The following CNTN4 variants were observed in gnomAD, a reference collection of about 807,000 sequenced individuals.
CNTN4 encodes contactin-4.
Under a neutral mutation model 122.5 loss-of-function variants are expected in CNTN4, and 77 were observed. The observed-to-expected ratio is 0.63, with a 90% CI of 0.52 to 0.76. The LOEUF (loss-of-function observed/expected upper bound fraction) is 0.76, where lower values mean the gene tolerates loss of function less well. Among genes scored for constraint, CNTN4 ranks in the 30% least tolerant of loss-of-function variants. CNTN4 has a pLI of 0.00. For missense variants in CNTN4, 1,256 were observed against 1,259.1 expected, an observed-to-expected ratio of 1.00 and a Z score of 0.04; for synonymous variants, 512 against 447.0, an observed-to-expected ratio of 1.15 and a Z score of -1.83.
chr3:2,412,354 T>C (rs2047255525), intron 3 of CNTN4, among the ~76,000 whole-genome samples: 1 of 151,704 alleles, frequency 6.6e-6, no homozygotes, highest in East Asian at 1.9e-4. Context: ...CGGGTTCAAG[T>C]GATTCTCCTG....
At chr3:2,300,814 C>T (rs2042485749) in intron 2 of CNTN4, among the ~76,000 whole-genome samples, 1 of 151,860 alleles carries the variant, frequency 6.6e-6, no homozygotes, top group Admixed American at 6.6e-5. Context: ...TGTGATCCAC[C>T]CACCTCGGCC....
At chr3:2,950,482 G>A (rs1391906725) in intron 13 of CNTN4, among the ~76,000 whole-genome samples, 1 of 152,078 alleles carries the variant, frequency 6.6e-6, no homozygotes, top group African/African-American at 2.4e-5. Flanking sequence ...TGTCTGTGAT[G>A]AGTAGCAGGT....
intron 4 of CNTN4, among the ~76,000 whole-genome samples, chr3:2,590,985 T>TTC (rs1187243508): frequency 6.6e-6 from 1 of 152,196 alleles, no homozygotes; most frequent in Non-Finnish European, 1.5e-5. Flanking sequence ...TCATCAATAT[T>TTC]CGAAATAATG....
Position 3,053,139 on chromosome 3 carries a change from A to G in CNTN4, c.2812-668A>G, listed in dbSNP as rs186285952. ...AACGTCTGCCTCCCGGGTGCAAGCA[A>G]TTCTCCTGCCTCAGCCTCTGGAGTA... On this transcript the variant is annotated intron_variant, in intron 23 of 24. Coordinates refer to ENST00000418658, the MANE Select transcript of CNTN4 (RefSeq NM_175607.3). Among the ~76,000 whole-genome samples, 3 of 152,294 alleles carry G rather than the reference A, an allele frequency of 2.0e-5. No individual in the cohort carries two copies. In the East Asian group the frequency reaches 5.8e-4, roughly 29 times the overall value.
intron 13 of CNTN4, among the ~76,000 whole-genome samples, chr3:2,968,525 A>G (rs564329040): frequency 7.2e-5 from 11 of 152,316 alleles, no homozygotes; most frequent in African/African-American, 2.4e-4. Flanking sequence ...AAAAACAGAA[A>G]TAGCACTAAA....
chr3:2,520,098 C>T (rs181482586), intron 3 of CNTN4, among the ~76,000 whole-genome samples: 111 of 152,016 alleles, frequency 7.3e-4, no homozygotes, highest in African/African-American at 2.7e-3. Context: ...ACACAGAATT[C>T]AATAAATATA....
intron 7 of CNTN4, among the ~76,000 whole-genome samples, chr3:2,822,789 A>G (rs1184458872): frequency 1.3e-5 from 2 of 152,180 alleles, no homozygotes; most frequent in Middle Eastern, 3.2e-3. Context: ...TTCCATAGAC[A>G]TCTACTGAAA....
intron 6 of CNTN4, among the ~76,000 whole-genome samples, chr3:2,775,129 G>A (rs2091264452): frequency 2.0e-5 from 3 of 152,224 alleles, no homozygotes. Flanking sequence ...AATCTTGTAT[G>A]ATCTGATCCA....
chr3:2,501,451 C>T (rs2076592138), intron 3 of CNTN4, among the ~76,000 whole-genome samples: 2 of 152,158 alleles, frequency 1.3e-5, no homozygotes, highest in Non-Finnish European at 2.9e-5. Flanking sequence ...GGCCAGAAGT[C>T]TAAAGTGAGC....
At chr3:2,159,074 G>C (rs2035844209) in intron 2 of CNTN4, among the ~76,000 whole-genome samples, 1 of 152,090 alleles carries the variant, frequency 6.6e-6, no homozygotes, top group Admixed American at 6.5e-5. Flanking sequence ...GAACAAGTCA[G>C]ACCTCTTGTA....
intron 3 of CNTN4, among the ~76,000 whole-genome samples, chr3:2,553,124 C>T (rs2078582316): frequency 6.6e-6 from 1 of 152,116 alleles, no homozygotes; most frequent in African/African-American, 2.4e-5. Flanking sequence ...TTAAACACCA[C>T]ACAAAGTAAT....
At chr3:2,244,121 A>C (rs1325748839) in intron 2 of CNTN4, among the ~76,000 whole-genome samples, 1 of 152,114 alleles carries the variant, frequency 6.6e-6, no homozygotes, top group South Asian at 2.1e-4. Flanking sequence ...CTGTGCATAC[A>C]TACCTATGAT....
intron 2 of CNTN4, among the ~76,000 whole-genome samples, chr3:2,257,845 C>T (rs903861774): frequency 2.6e-5 from 4 of 152,064 alleles, no homozygotes; most frequent in South Asian, 2.1e-4. Context: ...GGGCCGATCA[C>T]GAGGTCAGGA....
intron 4 of CNTN4, among the ~76,000 whole-genome samples, chr3:2,586,326 C>G (rs1576109301): frequency 6.6e-6 from 1 of 152,160 alleles, no homozygotes; most frequent in South Asian, 2.1e-4. Flanking sequence ...GAGTCTTGCT[C>G]TTATTGCCCA....
chr3:2,594,416 CTTTTTTTT>C (rs36010353), intron 4 of CNTN4, among the ~76,000 whole-genome samples: 1 of 103,582 alleles, frequency 9.7e-6, no homozygotes, highest in African/African-American at 3.5e-5. Flanking sequence ...TAAAATGGAT[CTTTTTTTT>C]TTTTTTTTTT....
chr3:3,009,040 T>A (rs1377795244), intron 14 of CNTN4: 1 of 985,250 alleles, frequency 1.0e-6, no homozygotes, highest in Admixed American at 6.2e-5. Context: ...CCTGGTGTTA[T>A]TAGCACAGTG....
At chr3:2,410,816 A>G (rs891944160) in intron 3 of CNTN4, among the ~76,000 whole-genome samples, 10 of 152,242 alleles carry the variant, frequency 6.6e-5, no homozygotes, top group African/African-American at 2.4e-4. Context: ...CTAGTTTCAT[A>G]TTAAAAGAGC....
chr3:2,997,158 A>AT (rs1420264799), intron 14 of CNTN4, among the ~76,000 whole-genome samples: 9 of 152,234 alleles, frequency 5.9e-5, no homozygotes, highest in African/African-American at 2.2e-4. Context: ...TGGAGTTTAA[A>AT]TGGCTAATTG....
chr3:2,155,976 T>C (rs757249367), intron 2 of CNTN4, among the ~76,000 whole-genome samples: 69 of 152,162 alleles, frequency 4.5e-4, no homozygotes, highest in Non-Finnish European at 1.2e-4. Context: ...AATTGTTTCA[T>C]AGATGAGGGG....
Sources: allele counts gnomAD v4.1 joint callset (sites outside exome capture counted in the v4.1 genomes callset), GRCh38; gene constraint gnomAD v4.1.1; transcripts MANE v1.5; gene names NCBI Gene and HGNC (gene_info 2026-07-23, HGNC 2026-07-21).